Variants in LARGE1 observed in about 807,000 individuals in gnomAD.
The protein encoded by LARGE1 is xylosyl- and glucuronyltransferase LARGE1.
A neutral mutation model predicts 87.6 loss-of-function variants in LARGE1; 43 were observed. The observed-to-expected ratio is 0.49, with a 90% CI of 0.38 to 0.63. LARGE1 has a LOEUF of 0.63. Among genes scored for constraint, LARGE1 ranks in the 30% least tolerant of loss-of-function variants. The probability of loss-of-function intolerance (pLI) is 0.00; values close to 1 mark genes in which losing one functional copy is unlikely to be tolerated. For synonymous variants in LARGE1, 434 were observed against 394.6 expected, an observed-to-expected ratio of 1.10 and a Z score of -1.18; for missense variants, 802 against 1,000.2, an observed-to-expected ratio of 0.80 and a Z score of 2.67.
intron 4 of LARGE1, among the ~76,000 whole-genome samples, chr22:33,616,743 T>C (rs2079593572): frequency 6.6e-6 from 1 of 152,200 alleles, no homozygotes; most frequent in African/African-American, 2.4e-5. Context: ...GATTTCACTT[T>C]CATGAAATGT....
At chr22:33,568,968 A>C (rs1197506079) in intron 5 of LARGE1, among the ~76,000 whole-genome samples, 3 of 152,074 alleles carry the variant, frequency 2.0e-5, no homozygotes, top group African/African-American at 7.2e-5. Context: ...TAAGAGTCAG[A>C]ATTTGCCAGG....
At chr22:33,920,501 C>G (rs1444150743), upstream of LARGE1, 1 of 145,294 alleles carries the variant, frequency 6.9e-6, no homozygotes, top group African/African-American at 2.5e-5. Flanking sequence ...CCGAACGCGG[C>G]GGCGCGGGGG....
the LARGE1 span, among the ~76,000 whole-genome samples, chr22:33,141,332 G>T: frequency 1.3e-5 from 2 of 152,172 alleles, no homozygotes; most frequent in East Asian, 3.9e-4. Context: ...AATGTTCCTT[G>T]TAGAACTTGT....
At chr22:33,165,072 C>G (rs970919762) in exon 12 of LARGE1, 1 of 152,094 alleles carries the variant, frequency 6.6e-6, no homozygotes, top group East Asian at 1.9e-4. Context: ...AGTGACGGGA[C>G]CAATCGTATC....
the LARGE1 span, among the ~76,000 whole-genome samples, chr22:33,094,290 T>G: frequency 6.6e-6 from 1 of 152,238 alleles, no homozygotes; most frequent in East Asian, 1.9e-4. Flanking sequence ...ACTGTCCTCA[T>G]TAGAGGCTCC....
chr22:33,273,622 G>C lies in LARGE1; in HGVS notation c.*805C>G. 1 of 398,806 alleles carries C rather than the reference G, an allele frequency of 2.5e-6. No individual in the cohort carries two copies. Among genetic ancestry groups the C allele is most frequent in the Non-Finnish European group, 4.4e-6 (1 of 226,278 alleles). The allele number at this position is 398,806 out of a possible 1,614,324, so 24.7% of individuals were successfully genotyped here. On this transcript the variant is annotated 3_prime_UTR_variant, in exon 15 of 15. Coordinates refer to ENST00000397394, the MANE Select transcript of LARGE1 (RefSeq NM_133642.5). Reference sequence around the variant, plus strand: ...GGAGAGTAGGGAGTTCAAAGTCACGGGAGCCTCGGTGATCATCCTGAAGGA... The same window carrying C: ...GGAGAGTAGGGAGTTCAAAGTCACGCGAGCCTCGGTGATCATCCTGAAGGA...
intron 1 of LARGE1, among the ~76,000 whole-genome samples, chr22:33,881,669 T>C (rs2064687351): frequency 6.6e-6 from 1 of 152,206 alleles, no homozygotes; most frequent in Non-Finnish European, 1.5e-5. Flanking sequence ...TCATAAAACA[T>C]ACAGAATATA....
At chr22:33,473,771 G>A (rs2068958729) in intron 6 of LARGE1, among the ~76,000 whole-genome samples, 8 of 152,082 alleles carry the variant, frequency 5.3e-5, no homozygotes. Flanking sequence ...CATACACAAG[G>A]TGCTGGGCAT....
At chr22:33,834,834 G>A (rs964256887) in intron 1 of LARGE1, among the ~76,000 whole-genome samples, 4 of 152,144 alleles carry the variant, frequency 2.6e-5, no homozygotes, top group African/African-American at 4.8e-5. Context: ...AGAGAGCACT[G>A]CTCACTCCAT....
rs867782265 is a variant in LARGE1 at position 33,915,451 on chromosome 22, C to T, written c.-83+4544G>A. On this transcript the variant is annotated intron_variant, in intron 1 of 14. Coordinates refer to ENST00000397394, the MANE Select transcript of LARGE1 (RefSeq NM_133642.5). Reference sequence around the variant, plus strand: ...AAGTGTTTTTTTTTTCATATTATATCATTTGTCAAGTAACATTGTCATTTT... The same window carrying T: ...AAGTGTTTTTTTTTTCATATTATATTATTTGTCAAGTAACATTGTCATTTT... Among the ~76,000 whole-genome samples the T allele has an allele frequency of 4.6e-5, 7 of 151,632 alleles. No homozygotes were observed. In the South Asian group the frequency reaches 6.3e-4, roughly 14 times the overall value.
At chr22:33,241,071 T>C (rs995733058) in intron 11 of LARGE1, among the ~76,000 whole-genome samples, 3 of 152,166 alleles carry the variant, frequency 2.0e-5, no homozygotes, top group African/African-American at 7.2e-5. Context: ...ATTTCCGGCT[T>C]CCATGAGATG....
chr22:33,294,613 T>C (rs1932980057), intron 12 of LARGE1, among the ~76,000 whole-genome samples: 2 of 152,150 alleles, frequency 1.3e-5, no homozygotes, highest in Non-Finnish European at 2.9e-5. Context: ...TTGATGTGTC[T>C]CCTTTCATGC....
intron 13 of LARGE1, among the ~76,000 whole-genome samples, chr22:33,282,332 C>T (rs12158409): frequency 0.066 from 10,012 of 152,184 alleles, 1,123 homozygotes; most frequent in African/African-American, 0.23. Context: ...GCAATAAAAG[C>T]GAAGCTCTGT....
At chr22:33,452,516 T>C (rs2067972322) in intron 6 of LARGE1, among the ~76,000 whole-genome samples, 2 of 152,194 alleles carry the variant, frequency 1.3e-5, no homozygotes, top group Non-Finnish European at 2.9e-5. Context: ...AAAGAGGCTG[T>C]TGTCACAAGC....
At chr22:33,397,335 G>C (rs563742779) in intron 7 of LARGE1, among the ~76,000 whole-genome samples, 2 of 152,084 alleles carry the variant, frequency 1.3e-5, no homozygotes, top group Non-Finnish European at 2.9e-5. Flanking sequence ...GGCTGGTCTC[G>C]AACTCCCGAC....
chr22:33,447,536 T>C (rs2067733384), intron 6 of LARGE1, among the ~76,000 whole-genome samples: 1 of 152,154 alleles, frequency 6.6e-6, no homozygotes, highest in Non-Finnish European at 1.5e-5. Flanking sequence ...CCCCAGCACG[T>C]CCCAATGCAC....
At chr22:33,808,372 T>A (rs1002666559) in intron 1 of LARGE1, among the ~76,000 whole-genome samples, 24 of 152,180 alleles carry the variant, frequency 1.6e-4, no homozygotes, top group African/African-American at 5.3e-4. Flanking sequence ...GTTATGTTCA[T>A]CCAACTCCTT....
chr22:33,119,333 AT>A, the LARGE1 span, among the ~76,000 whole-genome samples: 3 of 151,632 alleles, frequency 2.0e-5, no homozygotes, highest in Non-Finnish European at 4.4e-5. Flanking sequence ...GCTTTTATAT[AT>A]TTTTTTTTAT....
chr22:33,174,147 G>T (rs1161257120), intron 11 of LARGE1, among the ~76,000 whole-genome samples: 1 of 152,150 alleles, frequency 6.6e-6, no homozygotes, highest in East Asian at 1.9e-4. Flanking sequence ...CAGGCTCTCT[G>T]ACCACAGTGC....
Sources: gnomAD v4.1 joint callset for allele counts (sites outside exome capture counted in the v4.1 genomes callset) on GRCh38, gnomAD v4.1.1 for gene constraint, MANE v1.5 for transcripts, NCBI Gene and HGNC (gene_info 2026-07-23, HGNC 2026-07-21) for gene names.